Variants in GRIA1 observed in about 807,000 individuals in gnomAD.
GRIA1 encodes the protein glutamate receptor 1.
Under a neutral mutation model 99.2 loss-of-function variants are expected in GRIA1, and 31 were observed. The observed-to-expected ratio is 0.31, with a 90% CI of 0.23 to 0.42. The LOEUF (loss-of-function observed/expected upper bound fraction) is 0.42. Ranked by LOEUF, GRIA1 falls within the 10% of genes least tolerant of loss-of-function variation. The pLI is 1.00. For synonymous variants in GRIA1, 438 were observed against 432.4 expected (o/e 1.01, Z -0.16); for missense variants, 782 against 1,157.5 (o/e 0.68, Z 4.71).
intron 13 of GRIA1, among the ~76,000 whole-genome samples, chr5:153,788,041 C>T (rs1338882393): frequency 6.6e-6 from 1 of 151,910 alleles, no homozygotes; most frequent in Non-Finnish European, 1.5e-5. Context: ...GATCATGCCA[C>T]TGCACTCCAG....
At chr5:153,726,147 A>C (rs1212775267) in intron 11 of GRIA1, among the ~76,000 whole-genome samples, 1 of 152,224 alleles carries the variant, frequency 6.6e-6, no homozygotes, top group Non-Finnish European at 1.5e-5. Flanking sequence ...ACCACTGGGT[A>C]CATAACAAAA....
At chr5:153,585,353 G>C (rs1763388453) in intron 2 of GRIA1, among the ~76,000 whole-genome samples, 1 of 122,478 alleles carries the variant, frequency 8.2e-6, no homozygotes, top group African/African-American at 3.1e-5. Flanking sequence ...CTGTCGCCCA[G>C]GCTGGAGTAC....
chr5:153,610,942 A>G (rs539659270), intron 2 of GRIA1, among the ~76,000 whole-genome samples: 1 of 152,184 alleles, frequency 6.6e-6, no homozygotes, highest in Non-Finnish European at 1.5e-5. Flanking sequence ...GCACTCTTTC[A>G]TTTAAAGTTC....
At chr5:153,699,564 T>C (rs1316684224) in intron 10 of GRIA1, among the ~76,000 whole-genome samples, 1 of 152,234 alleles carries the variant, frequency 6.6e-6, no homozygotes, top group African/African-American at 2.4e-5. Context: ...CCTAAGATAC[T>C]ACTCCTTCAA....
chr5:153,632,663 C>T (rs1313688210), intron 2 of GRIA1, among the ~76,000 whole-genome samples: 4 of 152,156 alleles, frequency 2.6e-5, no homozygotes, highest in Non-Finnish European at 5.9e-5. Context: ...TACTATGGTC[C>T]TCACGTCACA....
chr5:153,645,341 T>C (rs574208041), intron 2 of GRIA1, among the ~76,000 whole-genome samples: 1 of 152,136 alleles, frequency 6.6e-6, no homozygotes, highest in African/African-American at 2.4e-5. Context: ...CTTTAAGAGA[T>C]TATGACCTTT....
At chr5:153,742,566 C>G (rs1269405810) in intron 11 of GRIA1, among the ~76,000 whole-genome samples, 1 of 152,108 alleles carries the variant, frequency 6.6e-6, no homozygotes, top group Non-Finnish European at 1.5e-5. Flanking sequence ...TGGTGTTTTG[C>G]TCATTCAGGT....
chr5:153,513,555 G>A (rs1384197479), intron 2 of GRIA1, among the ~76,000 whole-genome samples: 2 of 152,074 alleles, frequency 1.3e-5, no homozygotes, highest in African/African-American at 4.8e-5. Context: ...GAAGTCCAGA[G>A]AAAAAAATGG....
chr5:153,511,400 A>G (rs1756061225), intron 2 of GRIA1, among the ~76,000 whole-genome samples: 3 of 152,072 alleles, frequency 2.0e-5, no homozygotes, highest in Admixed American at 2.0e-4. Flanking sequence ...TCATCTCTGG[A>G]TGGGGATTTT....
chr5:153,551,347 G>GTT (rs748423625), intron 2 of GRIA1, among the ~76,000 whole-genome samples: 9 of 113,600 alleles, frequency 7.9e-5, no homozygotes, highest in African/African-American at 2.4e-4. Flanking sequence ...TCTTTTTACA[G>GTT]TTTTTTTTGT....
intron 11 of GRIA1, among the ~76,000 whole-genome samples, chr5:153,718,501 A>G (rs552402854): frequency 6.6e-6 from 1 of 152,196 alleles, no homozygotes; most frequent in Non-Finnish European, 1.5e-5. Context: ...TCCTAGCTCC[A>G]GCAGCTACTA....
chr5:153,507,402 T>G (rs987795762), intron 2 of GRIA1, among the ~76,000 whole-genome samples: 4 of 152,144 alleles, frequency 2.6e-5, no homozygotes, highest in Middle Eastern at 3.2e-3. Context: ...TCCTTTTTTC[T>G]CACTAGCGTC....
chr5:153,559,841 C>A (rs1258108430), intron 2 of GRIA1, among the ~76,000 whole-genome samples: 1 of 152,070 alleles, frequency 6.6e-6, no homozygotes, highest in Non-Finnish European at 1.5e-5. Context: ...AAAAAAATTG[C>A]CTGACTTTTG....
intron 5 of GRIA1, among the ~76,000 whole-genome samples, chr5:153,670,811 C>T (rs1325356582): frequency 2.6e-5 from 4 of 151,924 alleles, no homozygotes; most frequent in African/African-American, 9.7e-5. Flanking sequence ...CCTTTATTTC[C>T]CCCTTCTTAG....
chr5:153,786,909 C>G (rs957772531), intron 13 of GRIA1, among the ~76,000 whole-genome samples: 1 of 152,168 alleles, frequency 6.6e-6, no homozygotes, highest in Non-Finnish European at 1.5e-5. Flanking sequence ...CAGAAATTCC[C>G]TCTGTAGGAG....
intron 3 of GRIA1, among the ~76,000 whole-genome samples, chr5:153,648,847 C>T (rs1016954819): frequency 2.4e-4 from 36 of 151,886 alleles, no homozygotes; most frequent in African/African-American, 8.7e-4. Context: ...CACCCCCCCC[C>T]AAGATGTTCA....
chr5:153,492,525 C>T (rs3811983), intron 1 of GRIA1, among the ~76,000 whole-genome samples: 69,304 of 151,824 alleles, frequency 0.46, 17,311 homozygotes, highest in Middle Eastern at 0.63. Flanking sequence ...TTTTTGTTTT[C>T]ATTCTTTAAA....
intron 2 of GRIA1, among the ~76,000 whole-genome samples, chr5:153,631,820 G>A (rs910098959): frequency 5.3e-5 from 8 of 152,148 alleles, no homozygotes; most frequent in Non-Finnish European, 1.0e-4. Flanking sequence ...TGTTGTGACC[G>A]AGAACAGCAG....
intron 2 of GRIA1, chr5:153,525,231 G>A (rs1757487585): frequency 2.0e-5 from 3 of 152,278 alleles, no homozygotes; most frequent in South Asian, 4.1e-4. Context: ...TCCCTTCCTG[G>A]GGGACATGTG....
Sources: allele counts gnomAD v4.1 joint callset (sites outside exome capture counted in the v4.1 genomes callset), GRCh38; gene constraint gnomAD v4.1.1; transcripts MANE v1.5; gene names NCBI Gene and HGNC (gene_info 2026-07-23, HGNC 2026-07-21).